NKAIN3: variants seen among roughly 807,000 people sequenced by gnomAD.
The protein encoded by NKAIN3 is sodium/potassium-transporting ATPase subunit beta-1-interacting protein 3.
NKAIN3 carries 25 observed loss-of-function variants against 30.2 expected under a neutral mutation model. That is an observed-to-expected ratio of 0.83 (90% CI 0.60 to 1.16). The LOEUF (loss-of-function observed/expected upper bound fraction) is 1.16. Among genes scored for constraint, NKAIN3 ranks in the 50% most tolerant of loss-of-function variants. The pLI, the probability that NKAIN3 is intolerant of heterozygous loss-of-function variation, is 0.00. For missense variants in NKAIN3, 225 were observed against 254.1 expected (o/e 0.89, Z 0.78); for synonymous variants, 91 against 89.6 (o/e 1.02, Z -0.09).
At chr8:62,322,328 C>T (rs1414795858) in intron 1 of NKAIN3, among the ~76,000 whole-genome samples, 1 of 152,116 alleles carries the variant, frequency 6.6e-6, no homozygotes, top group Non-Finnish European at 1.5e-5. Flanking sequence ...GCACTGTACC[C>T]ACTGTCCTGC....
intron 1 of NKAIN3, among the ~76,000 whole-genome samples, chr8:62,458,168 C>G (rs541235451): frequency 6.6e-6 from 1 of 152,318 alleles, no homozygotes; most frequent in East Asian, 1.9e-4. Flanking sequence ...TAATCTCTCT[C>G]TGTTCCCCAG....
At chr8:62,914,796 T>C (rs1325413016) in intron 4 of NKAIN3, among the ~76,000 whole-genome samples, 1 of 145,044 alleles carries the variant, frequency 6.9e-6, no homozygotes, top group Non-Finnish European at 1.5e-5. Flanking sequence ...TTTTTTTTTT[T>C]GCTATTATAC....
chr8:62,386,855 C>T (rs1817438067), intron 1 of NKAIN3, among the ~76,000 whole-genome samples: 1 of 151,272 alleles, frequency 6.6e-6, no homozygotes, highest in Non-Finnish European at 1.5e-5. Context: ...TGCAACTGAC[C>T]CCCATGTTAT....
chr8:62,701,609 T>A (rs978997600), intron 3 of NKAIN3, among the ~76,000 whole-genome samples: 1 of 152,148 alleles, frequency 6.6e-6, no homozygotes, highest in Non-Finnish European at 1.5e-5. Context: ...GTCGCTAGAA[T>A]GCTATGCAAC....
chr8:62,801,935 G>T (rs1293313347), intron 4 of NKAIN3, among the ~76,000 whole-genome samples: 1 of 152,206 alleles, frequency 6.6e-6, no homozygotes. Context: ...GGAGCTGATG[G>T]AGCTGAAAGC....
At chr8:62,826,976 A>G (rs1274652329) in intron 4 of NKAIN3, among the ~76,000 whole-genome samples, 1 of 152,228 alleles carries the variant, frequency 6.6e-6, no homozygotes, top group Non-Finnish European at 1.5e-5. Context: ...GAAATTACTC[A>G]GTTATTTGGC....
In NKAIN3 at chr8:62,923,723, A is replaced by C. The variant is rs1471042; in HGVS notation, c.532+5210A>C. ...ATTTAGGAGTCGACTCATCTGCAACATGTGGTGAAGGGGACAGAGTTACTG... is the reference window on the plus strand; with the variant it reads ...ATTTAGGAGTCGACTCATCTGCAACCTGTGGTGAAGGGGACAGAGTTACTG... On this transcript the variant is annotated intron_variant, in intron 5 of 6. Coordinates refer to ENST00000623646, the MANE Select transcript of NKAIN3 (RefSeq NM_001304533.3). Among the ~76,000 whole-genome samples, 8 of 152,018 alleles carry C rather than the reference A, an allele frequency of 5.3e-5. No individual in the cohort carries two copies. In the South Asian group the frequency reaches 6.2e-4, roughly 12 times the overall value.
intron 4 of NKAIN3, among the ~76,000 whole-genome samples, chr8:62,750,314 C>G (rs1816235749): frequency 6.6e-6 from 1 of 152,120 alleles, no homozygotes; most frequent in Non-Finnish European, 1.5e-5. Flanking sequence ...GCTTTGACCA[C>G]CGACACATCT....
intron 4 of NKAIN3, chr8:62,864,157 C>T (rs1586284260): frequency 3.2e-6 from 2 of 625,634 alleles, no homozygotes; most frequent in East Asian, 2.7e-5. Flanking sequence ...AGCCGGGCTG[C>T]GGCTTTCACT....
At chr8:62,277,066 TTAA>T (rs1743442291) in intron 1 of NKAIN3, among the ~76,000 whole-genome samples, 1 of 152,156 alleles carries the variant, frequency 6.6e-6, no homozygotes, top group South Asian at 2.1e-4. Flanking sequence ...GGTTTCAAAT[TTAA>T]TAATGATGCA....
At chr8:62,766,392 T>A (rs1295281816) in intron 4 of NKAIN3, among the ~76,000 whole-genome samples, 1 of 152,190 alleles carries the variant, frequency 6.6e-6, no homozygotes, top group Non-Finnish European at 1.5e-5. Context: ...TTGAAACCAG[T>A]ACTCTGGCTC....
intron 1 of NKAIN3, among the ~76,000 whole-genome samples, chr8:62,512,363 C>A (rs1298644177): frequency 1.3e-5 from 2 of 152,088 alleles, no homozygotes; most frequent in Non-Finnish European, 2.9e-5. Context: ...CTTTCTGCCC[C>A]AGTTTTCTCT....
chr8:62,583,143 A>G (rs1392232008), intron 2 of NKAIN3, among the ~76,000 whole-genome samples: 1 of 152,090 alleles, frequency 6.6e-6, no homozygotes, highest in Non-Finnish European at 1.5e-5. Context: ...GAGAGCATAG[A>G]ATGTAATTAG....
intron 4 of NKAIN3, among the ~76,000 whole-genome samples, chr8:62,848,186 A>C (rs1323948270): frequency 6.6e-6 from 1 of 152,084 alleles, no homozygotes; most frequent in Non-Finnish European, 1.5e-5. Context: ...TATGAATTTT[A>C]AAATAGTTTT....
intron 4 of NKAIN3, among the ~76,000 whole-genome samples, chr8:62,897,586 A>G (rs1362222752): frequency 6.6e-6 from 1 of 152,170 alleles, no homozygotes; most frequent in Non-Finnish European, 1.5e-5. Context: ...CAAGTGTGCT[A>G]TGATCCAAGG....
chr8:62,717,747 T>C (rs1453075736), intron 3 of NKAIN3, among the ~76,000 whole-genome samples: 1 of 152,194 alleles, frequency 6.6e-6, no homozygotes, highest in Non-Finnish European at 1.5e-5. Flanking sequence ...TACTAGACAA[T>C]AGTTCCCAAA....
chr8:62,500,777 A>T (rs1212122387), intron 1 of NKAIN3, among the ~76,000 whole-genome samples: 1 of 152,174 alleles, frequency 6.6e-6, no homozygotes, highest in Non-Finnish European at 1.5e-5. Context: ...GAAGCCTCAA[A>T]GGCACCAAGA....
At chr8:62,912,647 C>T (rs1410667604) in intron 4 of NKAIN3, among the ~76,000 whole-genome samples, 2 of 152,052 alleles carry the variant, frequency 1.3e-5, no homozygotes, top group Admixed American at 6.6e-5. Flanking sequence ...CAGTGGCTCA[C>T]GCCTCTAATC....
In NKAIN3 at chr8:62,819,341, G is replaced by A. The variant is rs190543819; in HGVS notation, c.471+72212G>A. Among the ~76,000 whole-genome samples, 259 of 151,856 alleles carry A rather than the reference G, an allele frequency of 1.7e-3. 3 individuals are homozygous for A. The highest frequency in any genetic ancestry group is 3.0e-3 in the Non-Finnish European group (202 of 67,856). On this transcript the variant is annotated intron_variant, in intron 4 of 6. Transcript: ENST00000623646. ...AGATGACATATGATGAATAAAAAGTGACTAAATCTTGAACTTGGTGTATGG... is the reference window on the plus strand; with the variant it reads ...AGATGACATATGATGAATAAAAAGTAACTAAATCTTGAACTTGGTGTATGG...
Sources: allele counts gnomAD v4.1 joint callset (sites outside exome capture counted in the v4.1 genomes callset), GRCh38; gene constraint gnomAD v4.1.1; transcripts MANE v1.5; gene names NCBI Gene and HGNC (gene_info 2026-07-23, HGNC 2026-07-21).